The following TMEM182 variants were observed in gnomAD, a reference collection of about 807,000 sequenced individuals.
TMEM182 encodes the protein transmembrane protein 182.
TMEM182 carries 20 observed loss-of-function variants against 26.8 expected under a neutral mutation model. The observed-to-expected ratio is 0.75, with a 90% CI of 0.53 to 1.09. The LOEUF (loss-of-function observed/expected upper bound fraction) is 1.09, where lower values mean the gene tolerates loss of function less well. Among genes scored for constraint, TMEM182 ranks in the 50% least tolerant of loss-of-function variants. TMEM182 has a pLI of 0.00. For missense variants in TMEM182, 277 were observed against 275.5 expected (o/e 1.01, Z -0.04); for synonymous variants, 109 against 102.2 (o/e 1.07, Z -0.40).
chr2:102,750,523 C>T (rs1434902082), intron 1 of TMEM182, among the ~76,000 whole-genome samples: 8 of 152,120 alleles, frequency 5.3e-5, no homozygotes, highest in Non-Finnish European at 1.2e-4. Context: ...CCTGATTGGC[C>T]ATAATAGGGC....
upstream of TMEM182, among the ~76,000 whole-genome samples, chr2:102,757,049 A>G (rs1680060957): frequency 6.6e-6 from 1 of 152,044 alleles, no homozygotes; most frequent in African/African-American, 2.4e-5. Context: ...TGACCTCGTG[A>G]TCCACCTGCC....
intron 3 of TMEM182, among the ~76,000 whole-genome samples, chr2:102,825,671 A>T (rs559848893): frequency 6.6e-6 from 1 of 152,360 alleles, no homozygotes; most frequent in East Asian, 1.9e-4. Context: ...AAATCCTGTA[A>T]GAACAATAAA....
chr2:102,779,520 A>G (rs1279257886), intron 3 of TMEM182, among the ~76,000 whole-genome samples: 3 of 151,906 alleles, frequency 2.0e-5, no homozygotes, highest in South Asian at 2.1e-4. Context: ...TTTTAAGTCT[A>G]TTTTCTTTCT....
At chr2:102,807,377 A>G (rs1462194525) in intron 4 of TMEM182, among the ~76,000 whole-genome samples, 2 of 152,226 alleles carry the variant, frequency 1.3e-5, no homozygotes, top group African/African-American at 4.8e-5. Context: ...TGAGAAAATG[A>G]AGAATGGAGA....
downstream of TMEM182, among the ~76,000 whole-genome samples, chr2:102,821,661 TC>T (rs2104767391): frequency 6.6e-6 from 1 of 152,250 alleles, no homozygotes; most frequent in African/African-American, 2.4e-5. Context: ...AATACAGTGG[TC>T]CCCACTCAGT....
chr2:102,752,482 T>C (rs1274499433), intron 1 of TMEM182, among the ~76,000 whole-genome samples: 1 of 152,238 alleles, frequency 6.6e-6, no homozygotes, highest in Non-Finnish European at 1.5e-5. Context: ...GCCGTCTATG[T>C]AGAATCTGTG....
At chr2:102,832,392 A>G (rs1008510073) in intron 3 of TMEM182, among the ~76,000 whole-genome samples, 4 of 152,196 alleles carry the variant, frequency 2.6e-5, no homozygotes, top group Admixed American at 2.0e-4. Context: ...ACTCAGCTTA[A>G]TAAGGTGCAG....
At chr2:102,821,918 G>C (rs1010204465), downstream of TMEM182, among the ~76,000 whole-genome samples, 2 of 151,258 alleles carry the variant, frequency 1.3e-5, no homozygotes, top group African/African-American at 4.9e-5. Context: ...AACCCGGGAG[G>C]CAGAGCTTGC....
chr2:102,773,120 G>T (rs1402958009), intron 3 of TMEM182, among the ~76,000 whole-genome samples: 1 of 151,988 alleles, frequency 6.6e-6, no homozygotes, highest in Non-Finnish European at 1.5e-5. Context: ...TGGTAATTGT[G>T]ATTAAAATTT....
intron 3 of TMEM182, among the ~76,000 whole-genome samples, chr2:102,773,256 G>T (rs1680758288): frequency 6.6e-6 from 1 of 151,994 alleles, no homozygotes; most frequent in African/African-American, 2.4e-5. Context: ...TGGGTGAGGG[G>T]AATCAGATGA....
intron 3 of TMEM182, among the ~76,000 whole-genome samples, chr2:102,794,989 A>G (rs2104722569): frequency 6.6e-6 from 1 of 152,138 alleles, no homozygotes; most frequent in Non-Finnish European, 1.5e-5. Flanking sequence ...TTTGTTTTCA[A>G]TCTTTTTTCT....
chr2:102,789,840 T>A (rs982924125), intron 3 of TMEM182, among the ~76,000 whole-genome samples: 1 of 152,114 alleles, frequency 6.6e-6, no homozygotes, highest in East Asian at 1.9e-4. Context: ...TCTCTTCCCC[T>A]CATCCACCCG....
intron 3 of TMEM182, among the ~76,000 whole-genome samples, chr2:102,792,320 ATATAT>A (rs1186479163): frequency 2.0e-5 from 3 of 152,206 alleles, no homozygotes; most frequent in Admixed American, 6.5e-5. Flanking sequence ...GCCGCTTTTC[ATATAT>A]TATATCAATT....
At chr2:102,741,243 G>A (rs978890058) in intron 1 of TMEM182, among the ~76,000 whole-genome samples, 3 of 152,148 alleles carry the variant, frequency 2.0e-5, no homozygotes, top group Non-Finnish European at 2.9e-5. Context: ...GACTTCAGGG[G>A]TAATTTTGAT....
chr2:102,759,443 C>T (rs1222949335), upstream of TMEM182, among the ~76,000 whole-genome samples: 3 of 152,098 alleles, frequency 2.0e-5, no homozygotes, highest in Non-Finnish European at 4.4e-5. Context: ...TTTACCCCCA[C>T]TAGCTTATGA....
chr2:102,823,531 CACTATG>C (rs1451895603), intron 3 of TMEM182, among the ~76,000 whole-genome samples: 11 of 152,150 alleles, frequency 7.2e-5, no homozygotes, highest in African/African-American at 2.6e-4. Flanking sequence ...GACGGGGTTT[CACTATG>C]TTGGCCAGGC....
chr2:102,811,184 C>T (rs1038867892), intron 4 of TMEM182, among the ~76,000 whole-genome samples: 10 of 151,544 alleles, frequency 6.6e-5, no homozygotes, highest in Non-Finnish European at 4.4e-5. Flanking sequence ...GAAAAAAGTA[C>T]AGGCCTGTGA....
At chr2:102,769,505 C>A (rs1224009524) in intron 3 of TMEM182, among the ~76,000 whole-genome samples, 1 of 152,064 alleles carries the variant, frequency 6.6e-6, no homozygotes, top group Non-Finnish European at 1.5e-5. Context: ...CTTTTATATG[C>A]ATATTATATT....
chr2:102,746,338 C>T (rs1274731075), intron 1 of TMEM182, among the ~76,000 whole-genome samples: 1 of 151,828 alleles, frequency 6.6e-6, no homozygotes, highest in Admixed American at 6.6e-5. Flanking sequence ...AATACAATTC[C>T]CTTATCAGAT....
Sources: gnomAD v4.1 joint callset for allele counts (sites outside exome capture counted in the v4.1 genomes callset) on GRCh38, gnomAD v4.1.1 for gene constraint, MANE v1.5 for transcripts, NCBI Gene and HGNC (gene_info 2026-07-23, HGNC 2026-07-21) for gene names.